Variants in GATAD2A observed in about 807,000 individuals in gnomAD.
The protein encoded by GATAD2A is transcriptional repressor p66-alpha.
A neutral mutation model predicts 68.5 loss-of-function variants in GATAD2A; 12 were observed. The ratio of observed to expected loss-of-function variants is 0.18; its 90% CI spans 0.11 to 0.28. GATAD2A has a LOEUF of 0.28. GATAD2A is among the 10% of genes least tolerant of loss of function. The pLI, the probability that GATAD2A is intolerant of heterozygous loss-of-function variation, is 1.00. For synonymous variants in GATAD2A, 410 were observed against 375.3 expected, an observed-to-expected ratio of 1.09 and a Z score of -1.07; for missense variants, 755 against 868.5, an observed-to-expected ratio of 0.87 and a Z score of 1.64.
At chr19:19,466,760 T>A (rs2057898268) in intron 2 of GATAD2A, among the ~76,000 whole-genome samples, 1 of 152,224 alleles carries the variant, frequency 6.6e-6, no homozygotes, top group Non-Finnish European at 1.5e-5. Flanking sequence ...TGTCTGACTC[T>A]GCTGTCTGCA....
chr19:19,399,978 C>T (rs1156423786), intron 1 of GATAD2A, among the ~76,000 whole-genome samples: 1 of 151,764 alleles, frequency 6.6e-6, no homozygotes, highest in South Asian at 2.1e-4. Context: ...TTTCCAGACT[C>T]GAGGCTGTCA....
At chr19:19,389,952 C>A (rs1333751131) in intron 1 of GATAD2A, among the ~76,000 whole-genome samples, 1 of 152,130 alleles carries the variant, frequency 6.6e-6, no homozygotes, top group South Asian at 2.1e-4. Context: ...TTGGTAGAGA[C>A]GAGGTCTCAC....
chr19:19,455,507 T>A (rs935545863), intron 1 of GATAD2A, among the ~76,000 whole-genome samples: 14 of 151,440 alleles, frequency 9.2e-5, no homozygotes, highest in Admixed American at 2.0e-4. Flanking sequence ...AAAAAAAAAA[T>A]TTTTTTTGAA....
At chr19:19,440,967 C>T (rs1468652575) in intron 1 of GATAD2A, among the ~76,000 whole-genome samples, 10 of 121,360 alleles carry the variant, frequency 8.2e-5, no homozygotes. Flanking sequence ...TCTTCCTTCC[C>T]TTTCCTTCCT....
At chr19:19,418,721 C>T (rs2051955198) in intron 1 of GATAD2A, among the ~76,000 whole-genome samples, 2 of 152,138 alleles carry the variant, frequency 1.3e-5, no homozygotes, top group Admixed American at 6.5e-5. Flanking sequence ...TAGGAAGTTT[C>T]CTTGTTTCAT....
chr19:19,408,344 T>C (rs2050528124), intron 1 of GATAD2A, among the ~76,000 whole-genome samples: 2 of 152,210 alleles, frequency 1.3e-5, no homozygotes, highest in South Asian at 4.1e-4. Context: ...TCATCTCTAT[T>C]AATGCAGTAT....
intron 1 of GATAD2A, among the ~76,000 whole-genome samples, chr19:19,396,101 G>A (rs1310240503): frequency 2.0e-5 from 3 of 152,178 alleles, no homozygotes; most frequent in African/African-American, 7.2e-5. Context: ...CGGGTGGATC[G>A]CCTGAGGTCA....
At chr19:19,454,746 AG>A (rs35268039) in intron 1 of GATAD2A, among the ~76,000 whole-genome samples, 22,025 of 98,146 alleles carry the variant, frequency 0.22, 2,158 homozygotes, top group Non-Finnish European at 0.28. Context: ...CCACCCCCTT[AG>A]GTTTCTGTTT....
At chr19:19,445,134 C>T (rs1663136420) in intron 1 of GATAD2A, among the ~76,000 whole-genome samples, 2 of 152,230 alleles carry the variant, frequency 1.3e-5, no homozygotes, top group South Asian at 4.1e-4. Flanking sequence ...AGTGGGCTTG[C>T]TGCAGCCTCC....
At chr19:19,498,357 G>C (rs2060288947) in intron 7 of GATAD2A, 86 bp from the exon 8 acceptor site, 2 of 1,296,454 alleles carry the variant, frequency 1.5e-6, no homozygotes, top group Admixed American at 4.3e-5. Flanking sequence ...TAGTGCAGTT[G>C]ACAGGACCTC....
At chr19:19,471,773 A>T (rs532162489) in intron 2 of GATAD2A, among the ~76,000 whole-genome samples, 8 of 152,308 alleles carry the variant, frequency 5.3e-5, no homozygotes, top group African/African-American at 1.4e-4. Context: ...CAAAACCCGC[A>T]GAGGTAGAAG....
At chr19:19,470,809 A>G (rs2058248052) in intron 2 of GATAD2A, among the ~76,000 whole-genome samples, 2 of 152,248 alleles carry the variant, frequency 1.3e-5, no homozygotes. Flanking sequence ...GGAATTCCTC[A>G]TACATTGCTG....
At chr19:19,476,121 G>A (rs1472307627) in intron 2 of GATAD2A, among the ~76,000 whole-genome samples, 2 of 152,178 alleles carry the variant, frequency 1.3e-5, no homozygotes, top group Non-Finnish European at 2.9e-5. Flanking sequence ...CTCTTGGACA[G>A]TGCAGGCTCT....
At chr19:19,400,034 T>A (rs897610888) in intron 1 of GATAD2A, among the ~76,000 whole-genome samples, 1 of 150,420 alleles carries the variant, frequency 6.6e-6, no homozygotes, top group Non-Finnish European at 1.5e-5. Context: ...TTTTTTTTTT[T>A]AATCTTTAAT....
At position 19,505,668 on chromosome 19, in the gene GATAD2A, C is replaced by T. The variant is rs999155099; in HGVS notation, c.*194C>T. The T allele has an allele frequency of 2.5e-5, 13 of 521,848 alleles. No homozygotes were observed. Among genetic ancestry groups the T allele is most frequent in the Non-Finnish European group, 3.6e-5 (11 of 302,790 alleles). 32.3% of individuals were successfully genotyped at this position (521,848 alleles called of 1,614,324 possible). On this transcript the variant is annotated 3_prime_UTR_variant, in exon 12 of 12. Coordinates refer to ENST00000683918, the MANE Select transcript of GATAD2A (RefSeq NM_001384528.1). ...TTCATCAGGGCTAGGGGGCTGGTGC[C>T]GCCTCATAGGCAGACGAGGATCATC...
intron 1 of GATAD2A, among the ~76,000 whole-genome samples, chr19:19,406,273 T>G (rs1469363674): frequency 6.6e-6 from 1 of 150,582 alleles, no homozygotes; most frequent in African/African-American, 2.5e-5. Context: ...AGTCGCGGCG[T>G]CGCCCCGCTT....
chr19:19,439,185 C>G (rs1265801226), intron 1 of GATAD2A, among the ~76,000 whole-genome samples: 53 of 152,226 alleles, frequency 3.5e-4, no homozygotes, highest in Admixed American at 3.5e-3. Flanking sequence ...TACATTTATT[C>G]TTATGGGCAC....
intron 1 of GATAD2A, among the ~76,000 whole-genome samples, chr19:19,437,386 TC>T (rs2054488161): frequency 6.6e-6 from 1 of 152,236 alleles, no homozygotes; most frequent in Non-Finnish European, 1.5e-5. Context: ...TGCTTTGGCC[TC>T]CCAAAGTGTT....
intron 1 of GATAD2A, among the ~76,000 whole-genome samples, chr19:19,450,140 C>G (rs568437101): frequency 6.6e-6 from 1 of 152,178 alleles, no homozygotes; most frequent in Non-Finnish European, 1.5e-5. Flanking sequence ...GAACCAAGAA[C>G]TAGAGATGAT....
Sources: allele counts gnomAD v4.1 joint callset (sites outside exome capture counted in the v4.1 genomes callset), GRCh38; gene constraint gnomAD v4.1.1; transcripts MANE v1.5; gene names NCBI Gene and HGNC (gene_info 2026-07-23, HGNC 2026-07-21).